The following TTC1 variants were observed in gnomAD, a reference collection of about 807,000 sequenced individuals.
TTC1 encodes the protein tetratricopeptide repeat protein 1.
A neutral mutation model predicts 37.6 loss-of-function variants in TTC1; 31 were observed. The observed-to-expected ratio is 0.82, with a 90% confidence interval of 0.62 to 1.11. The LOEUF (loss-of-function observed/expected upper bound fraction) is 1.11. TTC1 is among the 50% of genes most tolerant of loss of function. TTC1 has a pLI of 0.00. For synonymous variants in TTC1, 127 were observed against 122.4 expected (o/e 1.04, Z -0.25); for missense variants, 351 against 339.0 (o/e 1.04, Z -0.28).
chr5:160,045,958 C>G (rs968741413), intron 5 of TTC1, among the ~76,000 whole-genome samples: 2 of 151,948 alleles, frequency 1.3e-5, no homozygotes, highest in African/African-American at 4.8e-5. Flanking sequence ...GGCCAGGCTG[C>G]TCTCGAACTC....
Position 160,036,724 on chromosome 5 carries a change from C to G in TTC1, c.425C>G (p.Ala142Gly). The change falls in exon 4 of 8, where the codon GCC (alanine) becomes GGC (glycine). Residue 142 changes from alanine (A) to glycine (G), a missense_variant. Coordinates refer to ENST00000231238, the MANE Select transcript of TTC1 (RefSeq NM_003314.3). ...YIEAESSYSR[A>G]LEMCPSCFQK... is the part of the protein sequence containing the mutation. Reference sequence around the variant, plus strand: ...GAAGCTGAAAGTTCTTATAGTCGAGCCCTCGAAATGTGCCCATCCTGCTTC... The same window carrying G: ...GAAGCTGAAAGTTCTTATAGTCGAGGCCTCGAAATGTGCCCATCCTGCTTC... 1.2e-6 allele frequency: 2 copies of G among 1,613,808 alleles called. No individual in the cohort carries two copies. Among genetic ancestry groups the G allele is most frequent in the Non-Finnish European group, 8.5e-7 (1 of 1,179,828 alleles).
At chr5:160,030,483 G>C (rs1756890044) in intron 2 of TTC1, among the ~76,000 whole-genome samples, 1 of 152,176 alleles carries the variant, frequency 6.6e-6, no homozygotes, top group Non-Finnish European at 1.5e-5. Context: ...AAATTATCTT[G>C]AAAAACAAAT....
intron 7 of TTC1, among the ~76,000 whole-genome samples, chr5:160,054,492 G>A (rs1442637587): frequency 2.6e-5 from 4 of 152,150 alleles, no homozygotes; most frequent in Admixed American, 2.6e-4. Flanking sequence ...GCACAAGACT[G>A]TGGTCCCAGC....
At chr5:160,048,456 G>A (rs1282956105) in intron 5 of TTC1, among the ~76,000 whole-genome samples, 1 of 152,038 alleles carries the variant, frequency 6.6e-6, no homozygotes, top group Non-Finnish European at 1.5e-5. Flanking sequence ...CACCCGGCCA[G>A]CACTGCTTTC....
intron 7 of TTC1, among the ~76,000 whole-genome samples, chr5:160,064,029 C>T (rs1221238077): frequency 6.6e-5 from 9 of 137,402 alleles, no homozygotes; most frequent in East Asian, 4.5e-4. Flanking sequence ...AGTGCAGTGG[C>T]GCAATCTCAG....
chr5:160,020,110 G>A (rs1334215235), intron 2 of TTC1, among the ~76,000 whole-genome samples: 3 of 148,836 alleles, frequency 2.0e-5, no homozygotes, highest in Non-Finnish European at 4.5e-5. Context: ...TGTATTTTTA[G>A]TAGAGACGGA....
intron 4 of TTC1, among the ~76,000 whole-genome samples, chr5:160,038,749 G>A (rs1446207090): frequency 7.4e-6 from 1 of 134,460 alleles, no homozygotes; most frequent in Non-Finnish European, 1.5e-5. Flanking sequence ...TGCAACCTCC[G>A]CCTCCCGTGT....
intron 7 of TTC1, among the ~76,000 whole-genome samples, chr5:160,064,288 G>A (rs372345159): frequency 2.0e-5 from 3 of 152,116 alleles, no homozygotes; most frequent in South Asian, 2.1e-4. Flanking sequence ...CACCCAAGTC[G>A]TGTAAATAAA....
intron 4 of TTC1, among the ~76,000 whole-genome samples, chr5:160,037,863 CCT>C (rs1757023176): frequency 2.0e-5 from 3 of 148,888 alleles, no homozygotes; most frequent in Admixed American, 1.3e-4. Context: ...ATTTAACATA[CCT>C]TTAAGCAACC....
chr5:160,027,435 A>G (rs958296709), intron 2 of TTC1, among the ~76,000 whole-genome samples: 1 of 152,232 alleles, frequency 6.6e-6, no homozygotes, highest in African/African-American at 2.4e-5. Flanking sequence ...GTTGTCATGT[A>G]CATTTTATCA....
At chr5:160,022,442 A>T (rs1756727960) in intron 2 of TTC1, among the ~76,000 whole-genome samples, 1 of 152,192 alleles carries the variant, frequency 6.6e-6, no homozygotes, top group South Asian at 2.1e-4. Flanking sequence ...TCAATTAAAA[A>T]ATTATATTCA....
Position 160,036,784 on chromosome 5 carries a change from C to T in TTC1, c.485C>T (p.Ala162Val), listed in dbSNP as rs1757006132. Residue 162 changes from alanine (A) to valine (V), a missense_variant, in exon 4 of 8, where the codon GCT (alanine) becomes GTT (valine). Coordinates refer to ENST00000231238, the MANE Select transcript of TTC1 (RefSeq NM_003314.3). ...KERSILFSNR[A>V]AARMKQDKKE... ...AGGTCGATTCTATTTTCAAATAGAGCTGCAGCAAGGATGAAACAGGTATGT... is the reference window on the plus strand; with the variant it reads ...AGGTCGATTCTATTTTCAAATAGAGTTGCAGCAAGGATGAAACAGGTATGT... 7 of 1,612,718 alleles carry T rather than the reference C, an allele frequency of 4.3e-6. No individual in the cohort carries two copies. Among genetic ancestry groups the T allele is most frequent in the Non-Finnish European group, 5.9e-6 (7 of 1,178,992 alleles).
At chr5:160,040,881 A>G in intron 4 of TTC1, among the ~76,000 whole-genome samples, 1 of 151,942 alleles carries the variant, frequency 6.6e-6, no homozygotes, top group East Asian at 1.9e-4. Context: ...AATCACTGGA[A>G]TTATAGGCGT....
At chr5:160,009,443 G>C (rs2113334300) in intron 1 of TTC1, among the ~76,000 whole-genome samples, 1 of 152,192 alleles carries the variant, frequency 6.6e-6, no homozygotes, top group Admixed American at 6.5e-5. Flanking sequence ...GTGATACAAG[G>C]GTCGTTGGCG....
At chr5:160,042,715 T>C (rs1222387495) in intron 4 of TTC1, among the ~76,000 whole-genome samples, 1 of 152,260 alleles carries the variant, frequency 6.6e-6, no homozygotes, top group Admixed American at 6.5e-5. Flanking sequence ...AGCATCTGTA[T>C]ACTTTCTGAA....
In TTC1 at chr5:160,036,728, C is replaced by G. The variant is rs147828350; in HGVS notation, c.429C>G (p.Leu143=). 6.2e-7 allele frequency: 1 copy of G among 1,613,930 alleles called. No individual in the cohort carries two copies. Among genetic ancestry groups the G allele is most frequent in the Non-Finnish European group, 8.5e-7 (1 of 1,179,924 alleles). ...CTGAAAGTTCTTATAGTCGAGCCCT[C>G]GAAATGTGCCCATCCTGCTTCCAAA... ...IEAESSYSRA[L]EMCPSCFQKE... Residue 143 remains leucine, a synonymous_variant, in exon 4 of 8, where the codon CTC becomes CTG. Transcript: ENST00000231238.
At chr5:160,010,250 T>G (rs1581089132) in intron 1 of TTC1, among the ~76,000 whole-genome samples, 1 of 95,282 alleles carries the variant, frequency 1.0e-5, no homozygotes, top group African/African-American at 4.4e-5. Flanking sequence ...AGACTGAGAT[T>G]AAGTCTCAAA....
chr5:160,048,966 C>G (rs1195047073), intron 5 of TTC1, among the ~76,000 whole-genome samples: 1 of 151,414 alleles, frequency 6.6e-6, no homozygotes, highest in Admixed American at 6.6e-5. Context: ...AAAAAATTCT[C>G]TCTCACTCTT....
intron 7 of TTC1, among the ~76,000 whole-genome samples, chr5:160,053,289 A>T (rs536137872): frequency 8.5e-5 from 13 of 152,286 alleles, no homozygotes; most frequent in African/African-American, 1.9e-4. Flanking sequence ...GCAGTTAAAA[A>T]TTTTTTAAAT....
Sources: gnomAD v4.1 joint callset for allele counts (sites outside exome capture counted in the v4.1 genomes callset) on GRCh38, gnomAD v4.1.1 for gene constraint, MANE v1.5 for transcripts, NCBI Gene and HGNC (gene_info 2026-07-23, HGNC 2026-07-21) for gene names.